Variants in CDYL2 observed in about 807,000 individuals in gnomAD.
The protein encoded by CDYL2 is chromodomain Y-like protein 2.
A neutral mutation model predicts 49.4 loss-of-function variants in CDYL2; 23 were observed. That is an observed-to-expected ratio of 0.47 (90% CI 0.34 to 0.66). The LOEUF (loss-of-function observed/expected upper bound fraction) is 0.66. CDYL2 is among the 30% of genes least tolerant of loss of function. The pLI is 0.01. For missense variants in CDYL2, 678 were observed against 656.4 expected, an observed-to-expected ratio of 1.03 and a Z score of -0.36; for synonymous variants, 360 against 268.8, an observed-to-expected ratio of 1.34 and a Z score of -3.32.
rs371577791 is a variant in CDYL2, at chr16:80,604,386, C to T, written c.*2G>A. ...AGTTGGGGGCCCGTGAGCTGGGGCC[C>T]CTCAGACTTCATAAATTTTGTCCTG... On this transcript the variant is annotated 3_prime_UTR_variant, in exon 7 of 7. Transcript: ENST00000570137. 68 of 1,613,974 alleles carry T rather than the reference C, an allele frequency of 4.2e-5. No homozygotes were observed. The Middle Eastern group carries it at 5.0e-4, about 12-fold the overall frequency.
intron 2 of CDYL2, among the ~76,000 whole-genome samples, chr16:80,677,731 T>A: frequency 6.7e-6 from 1 of 148,200 alleles, no homozygotes. Context: ...AGAGCGAGAC[T>A]CCATCTCAAA....
intron 4 of CDYL2, among the ~76,000 whole-genome samples, chr16:80,615,817 C>G (rs1906802455): frequency 6.6e-6 from 1 of 152,186 alleles, no homozygotes; most frequent in South Asian, 2.1e-4. Flanking sequence ...ACTTCATTTC[C>G]TTGATATGAA....
At chr16:80,724,175 AAG>A (rs370755198) in intron 1 of CDYL2, among the ~76,000 whole-genome samples, 41 of 148,266 alleles carry the variant, frequency 2.8e-4, no homozygotes, top group Middle Eastern at 3.4e-3. Context: ...GGAGGAGACA[AAG>A]AGGAAGAGGA....
chr16:80,791,477 A>T (rs922185477), intron 1 of CDYL2, among the ~76,000 whole-genome samples: 2 of 152,214 alleles, frequency 1.3e-5, no homozygotes, highest in African/African-American at 4.8e-5. Flanking sequence ...ATAAGATACT[A>T]CATATTCAGC....
chr16:80,798,922 A>G (rs943222144), intron 1 of CDYL2, among the ~76,000 whole-genome samples: 27 of 152,308 alleles, frequency 1.8e-4, no homozygotes, highest in African/African-American at 6.5e-4. Context: ...TATAGAAAAC[A>G]TGGTACATTC....
chr16:80,680,544 G>GA (rs2142467930), intron 2 of CDYL2, among the ~76,000 whole-genome samples: 1 of 152,246 alleles, frequency 6.6e-6, no homozygotes, highest in South Asian at 2.1e-4. Context: ...CACCAAGGCA[G>GA]AACCACAGCA....
chr16:80,658,644 G>A (rs2142430925), intron 2 of CDYL2, among the ~76,000 whole-genome samples: 1 of 152,286 alleles, frequency 6.6e-6, no homozygotes. Flanking sequence ...ATGGATCATA[G>A]GTATTGGTAA....
At chr16:80,780,023 T>C (rs1907212319) in intron 1 of CDYL2, among the ~76,000 whole-genome samples, 1 of 152,162 alleles carries the variant, frequency 6.6e-6, no homozygotes, top group Non-Finnish European at 1.5e-5. Context: ...CATGAACACC[T>C]ATGACTGTAT....
chr16:80,752,133 C>A (rs201909416), intron 1 of CDYL2, among the ~76,000 whole-genome samples: 1 of 82,260 alleles, frequency 1.2e-5, no homozygotes, highest in Admixed American at 1.4e-4. Context: ...ACCAAAAAAA[C>A]ATAGTAACTG....
rs1296169412 is a variant in CDYL2 at position 80,728,880 on chromosome 16, A to G, written c.25-43751T>C. Among the ~76,000 whole-genome samples, 3 of 151,352 alleles carry G rather than the reference A, an allele frequency of 2.0e-5. No individual in the cohort carries two copies. The East Asian group carries it at 5.8e-4, about 29-fold the overall frequency. On this transcript the variant is annotated intron_variant, in intron 1 of 6. Coordinates refer to ENST00000570137, the MANE Select transcript of CDYL2 (RefSeq NM_152342.4). ...TTCATAAGTGAAGGAGAAATAAAAT[A>G]CTTTACAGACAAGCAAATGCTGAGA... is the stretch of plus-strand genomic sequence containing the variant.
chr16:80,613,010 G>A (rs1223878912), intron 4 of CDYL2, among the ~76,000 whole-genome samples, 174 bp from the exon 5 acceptor site: 1 of 152,094 alleles, frequency 6.6e-6, no homozygotes, highest in Non-Finnish European at 1.5e-5. Flanking sequence ...GATTTTCTGA[G>A]GTATACTGAT....
intron 1 of CDYL2, among the ~76,000 whole-genome samples, chr16:80,739,953 G>C (rs1323254219): frequency 6.6e-6 from 1 of 152,208 alleles, no homozygotes; most frequent in Non-Finnish European, 1.5e-5. Context: ...TGATGCCCAG[G>C]ATGAAACGAC....
At chr16:80,732,779 C>G (rs1344785514) in intron 1 of CDYL2, among the ~76,000 whole-genome samples, 1 of 152,158 alleles carries the variant, frequency 6.6e-6, no homozygotes, top group Non-Finnish European at 1.5e-5. Flanking sequence ...TAAGAATTTC[C>G]TTTTATTCCA....
chr16:80,630,725 A>C (rs1023319783), intron 3 of CDYL2, among the ~76,000 whole-genome samples: 1 of 152,162 alleles, frequency 6.6e-6, no homozygotes, highest in Non-Finnish European at 1.5e-5. Context: ...CCAAAGCTTT[A>C]GCCACAGTGC....
At chr16:80,697,921 C>A (rs1430133885) in intron 1 of CDYL2, among the ~76,000 whole-genome samples, 1 of 152,030 alleles carries the variant, frequency 6.6e-6, no homozygotes. Context: ...AATGGAAATA[C>A]ATCCCATGTT....
chr16:80,741,060 T>C (rs1188291563), intron 1 of CDYL2, among the ~76,000 whole-genome samples: 7 of 151,366 alleles, frequency 4.6e-5, no homozygotes, highest in Admixed American at 4.6e-4. Flanking sequence ...AATTCAAGAC[T>C]TCTACTGCCA....
At chr16:80,780,385 G>A (rs1597130455) in intron 1 of CDYL2, among the ~76,000 whole-genome samples, 1 of 146,746 alleles carries the variant, frequency 6.8e-6, no homozygotes, top group Middle Eastern at 3.6e-3. Context: ...AAATGATACA[G>A]ATGCACAATA....
At chr16:80,620,306 G>T (rs1907021622) in intron 4 of CDYL2, among the ~76,000 whole-genome samples, 1 of 152,196 alleles carries the variant, frequency 6.6e-6, no homozygotes, top group African/African-American at 2.4e-5. Flanking sequence ...ACACACAGCT[G>T]CCCAGGGAAC....
rs1906562249 is a variant in CDYL2 at position 80,610,841 on chromosome 16, A to T, written c.1218+1785T>A. ...CTGGCACTTTTGTGGGTCTCCTATG[A>T]CCTATGACATCTGCTGGCAGATGCC... is the stretch of plus-strand genomic sequence containing the variant. On this transcript the variant is annotated intron_variant, in intron 5 of 6. Coordinates refer to ENST00000570137, the MANE Select transcript of CDYL2 (RefSeq NM_152342.4). 1.3e-5 allele frequency among the ~76,000 whole-genome samples: 2 copies of T among 151,988 alleles called. 1 individual carries two copies. Among genetic ancestry groups the T allele is most frequent in the South Asian group, 4.2e-4 (2 of 4,810 alleles).
Sources: gnomAD v4.1 joint callset for allele counts (sites outside exome capture counted in the v4.1 genomes callset) on GRCh38, gnomAD v4.1.1 for gene constraint, MANE v1.5 for transcripts, NCBI Gene and HGNC (gene_info 2026-07-23, HGNC 2026-07-21) for gene names.